Variants in PCDH11X observed in about 807,000 individuals in gnomAD.
The protein encoded by PCDH11X is protocadherin 11 X-linked, also known as protocadherin-11 X-linked.
PCDH11X carries 18 observed loss-of-function variants against 53.3 expected under a neutral mutation model. The observed-to-expected ratio is 0.34, with a 90% CI of 0.23 to 0.50. The LOEUF is 0.50. PCDH11X is among the 20% of genes least tolerant of loss of function. PCDH11X has a pLI of 0.98. For missense variants in PCDH11X, 570 were observed against 1,032.4 expected, an observed-to-expected ratio of 0.55 and a Z score of 6.14; for synonymous variants, 279 against 393.3, an observed-to-expected ratio of 0.71 and a Z score of 3.44.
chrX:92,233,231 GT>G (rs754222830), intron 7 of PCDH11X, among the ~76,000 whole-genome samples: 4 of 109,500 alleles, frequency 3.7e-5, no homozygotes, highest in African/African-American at 9.9e-5. Flanking sequence ...CACTGATTAT[GT>G]TTTTTTTATC....
chrX:91,802,195 T>A (rs1307376860), intron 1 of PCDH11X, among the ~76,000 whole-genome samples: 41 of 113,363 alleles, frequency 3.6e-4, no homozygotes, highest in African/African-American at 1.3e-3. Context: ...TCTTTCAAAT[T>A]AAATTTGGGC....
At chrX:92,063,399 C>G (rs1363419067) in intron 6 of PCDH11X, among the ~76,000 whole-genome samples, 1 of 110,583 alleles carries the variant, frequency 9.0e-6, no homozygotes, top group African/African-American at 3.3e-5. Context: ...GTTTTTAGCT[C>G]TATCTGATCA....
At chrX:92,316,466 T>G (rs1167117492) in intron 8 of PCDH11X, among the ~76,000 whole-genome samples, 2 of 110,879 alleles carry the variant, frequency 1.8e-5, no homozygotes, top group Non-Finnish European at 3.8e-5. Context: ...TAAAATATGA[T>G]GTATTATTTA....
chrX:91,946,745 CTGAT>C (rs2061580828), intron 6 of PCDH11X, among the ~76,000 whole-genome samples: 3 of 97,472 alleles, frequency 3.1e-5, no homozygotes, highest in South Asian at 4.9e-4. Flanking sequence ...TTCTCTCTGA[CTGAT>C]TCTCACTGTT....
In PCDH11X at chrX:91,983,182, C is replaced by A. The variant is rs1195025171; in HGVS notation, c.3033+103909C>A. The A allele has an allele frequency of 3.3e-5, 29 of 883,845 alleles. 1 individual carries two copies. In the South Asian group the frequency reaches 5.6e-4, roughly 17 times the overall value. The allele number at this position is 883,845 out of a possible 1,213,427, so 72.8% of individuals were successfully genotyped here. A position where few individuals can be genotyped will look rare whatever the true frequency, so the allele number is the denominator to read the frequency against. Reference sequence around the variant, plus strand: ...GTCTTGATTTTAGCATCTTTTTTCCCCCAGTCTTAGGTAAGAAGGATGAAT... The same window carrying A: ...GTCTTGATTTTAGCATCTTTTTTCCACCAGTCTTAGGTAAGAAGGATGAAT... On this transcript the variant is annotated intron_variant, in intron 6 of 10. Coordinates refer to ENST00000682573, the MANE Select transcript of PCDH11X (RefSeq NM_032968.5).
intron 5 of PCDH11X, among the ~76,000 whole-genome samples, chrX:91,849,600 G>A (rs958905897): frequency 3.7e-5 from 4 of 108,937 alleles, no homozygotes; most frequent in Admixed American, 9.9e-5. Flanking sequence ...TTAAAAATCC[G>A]TATTTACCAA....
intron 10 of PCDH11X, among the ~76,000 whole-genome samples, chrX:92,484,990 G>A (rs2073612697): frequency 9.1e-6 from 1 of 109,904 alleles, no homozygotes; most frequent in African/African-American, 3.3e-5. Context: ...TTTTGAAATT[G>A]TTTCTTTAAA....
intron 6 of PCDH11X, among the ~76,000 whole-genome samples, chrX:92,053,548 G>A (rs1348549250): frequency 9.7e-6 from 1 of 103,318 alleles, no homozygotes; most frequent in Admixed American, 1.1e-4. Context: ...ATAAAGAGCA[G>A]CGGAAGAACC....
intron 6 of PCDH11X, among the ~76,000 whole-genome samples, chrX:92,017,535 T>A (rs868206745): frequency 7.4e-5 from 7 of 94,550 alleles, no homozygotes; most frequent in African/African-American, 7.7e-5. Context: ...CTTGTCTCTA[T>A]AAAAAAAAAA....
chrX:92,154,528 C>A (rs867328336), intron 6 of PCDH11X, among the ~76,000 whole-genome samples: 139 of 106,030 alleles, frequency 1.3e-3, no homozygotes, highest in African/African-American at 4.9e-3. Flanking sequence ...GGCACTCCTG[C>A]TTTCCCGCCC....
intron 8 of PCDH11X, among the ~76,000 whole-genome samples, chrX:92,322,367 C>T (rs1157382501): frequency 1.8e-5 from 2 of 110,821 alleles, no homozygotes; most frequent in Admixed American, 9.6e-5. Context: ...CTTTCCATTC[C>T]TTATTTTATA....
intron 6 of PCDH11X, among the ~76,000 whole-genome samples, chrX:91,903,364 T>G (rs1325772660): frequency 9.0e-6 from 1 of 111,363 alleles, no homozygotes; most frequent in African/African-American, 3.3e-5. Flanking sequence ...CTTCATTGGA[T>G]CCTCATAAGT....
At chrX:92,023,340 C>T (rs1321265967) in intron 6 of PCDH11X, among the ~76,000 whole-genome samples, 2 of 106,882 alleles carry the variant, frequency 1.9e-5, no homozygotes, top group Non-Finnish European at 3.9e-5. Context: ...GATATCACCC[C>T]GACCACAAAG....
chrX:92,295,769 GTGTGTGTGTC>G (rs1446034421), intron 8 of PCDH11X, among the ~76,000 whole-genome samples: 1 of 61,979 alleles, frequency 1.6e-5, no homozygotes, highest in Non-Finnish European at 3.3e-5. Flanking sequence ...GTGTGTGTGT[GTGTGTGTGTC>G]TATTAAAAAG....
intron 6 of PCDH11X, among the ~76,000 whole-genome samples, chrX:92,097,616 T>C (rs2064163202): frequency 9.0e-6 from 1 of 110,816 alleles, no homozygotes; most frequent in African/African-American, 3.3e-5. Context: ...CTTAAAGCTA[T>C]AGATTATAGT....
chrX:92,457,572 C>T (rs1336173712), intron 9 of PCDH11X, among the ~76,000 whole-genome samples: 2 of 109,379 alleles, frequency 1.8e-5, no homozygotes, highest in Non-Finnish European at 3.8e-5. Flanking sequence ...CAAAACCATA[C>T]TTTCGTTTCA....
At chrX:92,084,355 C>T (rs1415845230) in intron 6 of PCDH11X, among the ~76,000 whole-genome samples, 1 of 108,897 alleles carries the variant, frequency 9.2e-6, no homozygotes, top group Non-Finnish European at 1.9e-5. Context: ...CAAGACCAGC[C>T]TGACCAACAT....
At chrX:92,407,144 T>A (rs1746003139) in intron 9 of PCDH11X, among the ~76,000 whole-genome samples, 2 of 106,539 alleles carry the variant, frequency 1.9e-5, no homozygotes, top group South Asian at 8.8e-4. Context: ...TCCTTTTGCA[T>A]GTTCTTATTT....
intron 6 of PCDH11X, among the ~76,000 whole-genome samples, chrX:91,972,547 G>A (rs1029351846): frequency 2.7e-5 from 3 of 110,049 alleles, no homozygotes; most frequent in South Asian, 3.9e-4. Context: ...GAATGGTAAT[G>A]CCTAGGTTTT....
Sources: allele counts gnomAD v4.1 joint callset (sites outside exome capture counted in the v4.1 genomes callset), GRCh38; gene constraint gnomAD v4.1.1; transcripts MANE v1.5; gene names NCBI Gene and HGNC (gene_info 2026-07-23, HGNC 2026-07-21).